Variants in ZNF644 observed in about 807,000 individuals in gnomAD.
ZNF644 encodes the protein zinc finger motif enhancer binding protein 2.
In ZNF644, 20 loss-of-function variants were observed where a neutral mutation model predicts 108.0. The ratio of observed to expected loss-of-function variants is 0.19; its 90% confidence interval spans 0.13 to 0.27. The LOEUF (loss-of-function observed/expected upper bound fraction) is 0.27. Among genes scored for constraint, ZNF644 ranks in the 10% least tolerant of loss-of-function variants. ZNF644 has a pLI of 1.00. For synonymous variants in ZNF644, 542 were observed against 539.1 expected (o/e 1.01, Z -0.08); for missense variants, 1,338 against 1,548.9 (o/e 0.86, Z 2.29).
intron 4 of ZNF644, among the ~76,000 whole-genome samples, chr1:90,930,820 T>G (rs185900301): frequency 6.6e-6 from 1 of 152,348 alleles, no homozygotes; most frequent in African/African-American, 2.4e-5. Flanking sequence ...AACAACATGC[T>G]ATCTACCATA....
In ZNF644 at chr1:90,916,932, A is replaced by G; in HGVS notation, c.3850T>C (p.Leu1284=). The part of the protein sequence containing the change: ...LSVQEDWIKH[L]QRHIVNANLP... ...TTAGCGTTTACAATATGTCGTTGTA[A>G]GTGCTTAATCCAGTCTTCCTGAACA... The change falls in exon 6 of 6, where the codon TTA becomes CTA. Residue 1284 remains leucine, a synonymous_variant. Coordinates refer to ENST00000337393, the MANE Select transcript of ZNF644 (RefSeq NM_201269.3). 2 of 1,614,198 alleles carry G rather than the reference A, an allele frequency of 1.2e-6. No homozygotes were observed. Among genetic ancestry groups the G allele is most frequent in the Non-Finnish European group, 1.7e-6 (2 of 1,180,032 alleles).
intron 2 of ZNF644, among the ~76,000 whole-genome samples, chr1:90,961,553 T>C (rs551176150): frequency 9.2e-5 from 14 of 152,252 alleles, no homozygotes; most frequent in Admixed American, 5.2e-4. Flanking sequence ...TAAAGTATGA[T>C]ATCTGAACTG....
intron 4 of ZNF644, among the ~76,000 whole-genome samples, chr1:90,928,601 G>A (rs1005107520): frequency 4.6e-5 from 7 of 152,096 alleles, no homozygotes; most frequent in African/African-American, 1.4e-4. Flanking sequence ...GGGATTACAA[G>A]TGTGAGCCAC....
chr1:91,020,423 C>T (rs965330137), intron 1 of ZNF644: 1 of 152,170 alleles, frequency 6.6e-6, no homozygotes, highest in Non-Finnish European at 1.5e-5. Context: ...AATACCAACA[C>T]AAAGTATGAT....
chr1:90,939,198 G>C lies in ZNF644; in HGVS notation c.2156C>G (p.Pro719Arg), dbSNP rs765069008. 3 of 1,613,764 alleles carry C rather than the reference G, an allele frequency of 1.9e-6. No homozygotes were observed. The highest frequency in any genetic ancestry group is 2.5e-6 in the Non-Finnish European group (3 of 1,179,842). Reference sequence around the variant, plus strand: ...TTTTGCTGCTTGATGGAAATACTTAGGTTTTTGGTCAACGCTGCTTTTAAT... The same window carrying C: ...TTTTGCTGCTTGATGGAAATACTTACGTTTTTGGTCAACGCTGCTTTTAAT... ...VTIKSSVDQK[P>R]KYFHQAAKEK... Residue 719 changes from proline to arginine, a missense_variant, in exon 3 of 6, where the codon CCT becomes CGT. Around this residue, in one of 6 missense-constraint regions of ZNF644, gnomAD observed 462 missense variants for 472.6 expected, o/e 0.98. Transcript: ENST00000337393.
chr1:90,985,343 A>G (rs888008504), intron 1 of ZNF644, among the ~76,000 whole-genome samples: 5 of 152,128 alleles, frequency 3.3e-5, no homozygotes, highest in African/African-American at 1.2e-4. Context: ...TCTTTTAGCA[A>G]TTTTAAAATA....
At chr1:90,923,231 C>CACAT (rs1351948167) in intron 4 of ZNF644, among the ~76,000 whole-genome samples, 1 of 152,072 alleles carries the variant, frequency 6.6e-6, no homozygotes, top group Non-Finnish European at 1.5e-5. Context: ...CGAGGTCTAC[C>CACAT]ACATAACTCA....
intron 2 of ZNF644, among the ~76,000 whole-genome samples, chr1:90,962,461 G>C (rs1198003054): frequency 6.6e-6 from 1 of 151,892 alleles, no homozygotes; most frequent in African/African-American, 2.4e-5. Flanking sequence ...TGTAAGAAAA[G>C]GTGATTCTAT....
chr1:90,950,324 CAAAAGAAAAG>C (rs749730687), intron 2 of ZNF644, among the ~76,000 whole-genome samples: 15,765 of 63,542 alleles, frequency 0.25, 1,453 homozygotes, highest in Middle Eastern at 0.34. Flanking sequence ...GAAAAGAAAA[CAAAAGAAAAG>C]AAAAGAAAAG....
intron 2 of ZNF644, among the ~76,000 whole-genome samples, chr1:90,967,911 A>AC (rs1655088324): frequency 6.8e-6 from 1 of 146,730 alleles, no homozygotes; most frequent in African/African-American, 2.5e-5. Context: ...AAAAAAAAAA[A>AC]TTAGCCAGGA....
At chr1:90,945,360 A>C (rs1051318785) in intron 2 of ZNF644, among the ~76,000 whole-genome samples, 1 of 152,082 alleles carries the variant, frequency 6.6e-6, no homozygotes, top group African/African-American at 2.4e-5. Flanking sequence ...CTTTAAATCT[A>C]CATAAAATAT....
chr1:90,918,808 A>T (rs1649094236), intron 4 of ZNF644, among the ~76,000 whole-genome samples: 1 of 152,150 alleles, frequency 6.6e-6, no homozygotes, highest in Non-Finnish European at 1.5e-5. Flanking sequence ...TTGCATATAC[A>T]ATAATCAATT....
chr1:90,958,046 C>A, intron 2 of ZNF644, among the ~76,000 whole-genome samples: 1 of 150,778 alleles, frequency 6.6e-6, no homozygotes, highest in East Asian at 2.0e-4. Flanking sequence ...TAAAAAATAA[C>A]CAGAAGAATA....
intron 2 of ZNF644, among the ~76,000 whole-genome samples, chr1:90,957,367 C>T (rs978918673): frequency 6.6e-5 from 10 of 152,106 alleles, no homozygotes; most frequent in Admixed American, 6.5e-4. Context: ...AAAACAGACA[C>T]CAAAATCCTC....
chr1:91,002,706 G>A (rs2101686885), intron 1 of ZNF644, among the ~76,000 whole-genome samples: 1 of 152,290 alleles, frequency 6.6e-6, no homozygotes, highest in Non-Finnish European at 1.5e-5. Flanking sequence ...AAGAGCTTCT[G>A]CACAGCAAAA....
intron 1 of ZNF644, among the ~76,000 whole-genome samples, chr1:91,008,122 T>C (rs1383831745): frequency 1.3e-5 from 2 of 152,222 alleles, no homozygotes; most frequent in Non-Finnish European, 2.9e-5. Flanking sequence ...AACTCTCAGA[T>C]CAACATGCAG....
At chr1:91,010,112 T>C (rs1659810052) in intron 1 of ZNF644, among the ~76,000 whole-genome samples, 1 of 152,156 alleles carries the variant, frequency 6.6e-6, no homozygotes, top group African/African-American at 2.4e-5. Context: ...ATTTCCAATT[T>C]CTAATCCAAA....
chr1:90,944,278 C>A (rs1652301966), intron 2 of ZNF644, among the ~76,000 whole-genome samples: 1 of 152,152 alleles, frequency 6.6e-6, no homozygotes, highest in Admixed American at 6.5e-5. Context: ...GAGACTGCAT[C>A]CTCATTACCG....
intron 2 of ZNF644, 21 bp from the exon 3 acceptor site, chr1:90,941,330 AT>A: frequency 6.3e-7 from 1 of 1,589,356 alleles, no homozygotes; most frequent in Admixed American, 1.8e-5. Flanking sequence ...GAAAAAAAAA[AT>A]TTAGATTTGC....
Sources: gnomAD v4.1 joint callset for allele counts (sites outside exome capture counted in the v4.1 genomes callset) on GRCh38, gnomAD v4.1.1 for gene constraint, gnomAD v4.1.1 regional missense constraint, MANE v1.5 for transcripts, NCBI Gene and HGNC (gene_info 2026-07-23, HGNC 2026-07-21) for gene names.